NLRP5: variants seen among roughly 807,000 people sequenced by gnomAD.
NLRP5 encodes the protein NACHT, LRR and PYD domains-containing protein 5.
Under a neutral mutation model 113.1 loss-of-function variants are expected in NLRP5, and 93 were observed. The observed-to-expected ratio is 0.82, with a 90% confidence interval of 0.70 to 0.98. NLRP5 has a LOEUF of 0.98. NLRP5 is among the 50% of genes least tolerant of loss of function. NLRP5 has a pLI of 0.00. For synonymous variants in NLRP5, 751 were observed against 600.7 expected, an observed-to-expected ratio of 1.25 and a Z score of -3.66; for missense variants, 1,808 against 1,514.3, an observed-to-expected ratio of 1.19 and a Z score of -3.22.
chr19:56,053,293 G>A (rs1983998291), intron 12 of NLRP5, among the ~76,000 whole-genome samples: 1 of 152,006 alleles, frequency 6.6e-6, no homozygotes, highest in South Asian at 2.1e-4. Flanking sequence ...TATTCGGGAG[G>A]CTGAGGAAGG....
chr19:56,049,957 C>A (rs117598434), intron 11 of NLRP5, among the ~76,000 whole-genome samples: 1 of 152,024 alleles, frequency 6.6e-6, no homozygotes, highest in Non-Finnish European at 1.5e-5. Context: ...CTGCCTCCTT[C>A]TCATTTGGGT....
In NLRP5 at chr19:56,007,004, T is replaced by G. The variant is rs930039573; in HGVS notation, c.443-1784T>G. ...TCCACCCACCTTGGCCTCCCAAAGT[T>G]CTGGGATTACAGGTGTGAGCCACTG... is the stretch of plus-strand genomic sequence containing the variant. On this transcript the variant is annotated intron_variant, in intron 2 of 14. Coordinates refer to ENST00000390649, the MANE Select transcript of NLRP5 (RefSeq NM_153447.4). Among the ~76,000 whole-genome samples, 80 of 150,750 alleles carry G rather than the reference T, an allele frequency of 5.3e-4. 6 individuals are homozygous for G. Among genetic ancestry groups the G allele is most frequent in the African/African-American group, 1.5e-3 (62 of 40,452 alleles).
rs141095504 is a variant in NLRP5 at position 56,013,214 on chromosome 19, A to C, written c.509-2528A>C. Among the ~76,000 whole-genome samples the C allele has an allele frequency of 4.9e-3, 738 of 152,080 alleles. 8 individuals carry two copies. The highest frequency in any genetic ancestry group is 0.017 in the African/African-American group (710 of 41,498). ...TTTTGTTTTTTGTTTTTGTTTTGAG[A>C]TGGAGTCGTGCTCTGTTGCTGAGGC... On this transcript the variant is annotated intron_variant, in intron 3 of 14. Coordinates refer to ENST00000390649, the MANE Select transcript of NLRP5 (RefSeq NM_153447.4).
At chr19:56,016,210 G>A (rs150995218) in intron 4 of NLRP5, among the ~76,000 whole-genome samples, 15,980 of 152,048 alleles carry the variant, frequency 0.11, 1,071 homozygotes, top group African/African-American at 0.17. Flanking sequence ...CTGGAGTGCA[G>A]TGGTGTGATC....
intron 14 of NLRP5, 23 bp downstream of exon 14, chr19:56,058,433 C>T: frequency 6.3e-7 from 1 of 1,591,166 alleles, no homozygotes; most frequent in Non-Finnish European, 8.6e-7. Context: ...CAATTGTCTT[C>T]TGAGATACAG....
chr19:56,026,897 C>T lies in NLRP5; in HGVS notation c.680-16C>T. The T allele has an allele frequency of 1.3e-6, 2 of 1,544,536 alleles. No individual in the cohort carries two copies. The highest frequency in any genetic ancestry group is 1.8e-6 in the Non-Finnish European group (2 of 1,142,234). On this transcript the variant is annotated splice_polypyrimidine_tract_variant and intron_variant, in intron 6 of 14. Coordinates refer to ENST00000390649, the MANE Select transcript of NLRP5 (RefSeq NM_153447.4). ...GGTCTGTTTCCTGATTTTCATTCTA[C>T]CCTCTCTGACTCCAGGACATGGAGG...
At chr19:55,996,498 C>G (rs954170324), upstream of NLRP5, among the ~76,000 whole-genome samples, 1 of 152,014 alleles carries the variant, frequency 6.6e-6, no homozygotes, top group Non-Finnish European at 1.5e-5. Flanking sequence ...CTCCCTCCCC[C>G]ACAACAGTCC....
intron 7 of NLRP5, among the ~76,000 whole-genome samples, chr19:56,029,761 C>A (rs1211092950): frequency 6.6e-6 from 1 of 150,844 alleles, no homozygotes; most frequent in African/African-American, 2.4e-5. Context: ...AAAGTAAGAC[C>A]CTGTCTGTGG....
intron 7 of NLRP5, among the ~76,000 whole-genome samples, chr19:56,030,862 C>T (rs1285971913): frequency 1.3e-5 from 2 of 151,770 alleles, no homozygotes; most frequent in Admixed American, 1.3e-4. Flanking sequence ...TACAGTTGCC[C>T]ACCACCACAC....
chr19:56,017,809 A>G (rs186125602), intron 4 of NLRP5, among the ~76,000 whole-genome samples: 5 of 152,320 alleles, frequency 3.3e-5, no homozygotes, highest in Non-Finnish European at 5.9e-5. Flanking sequence ...CGTTTACACC[A>G]AAAGCTTAGT....
Position 56,027,979 on chromosome 19 carries a change from C to T in NLRP5, c.1746C>T (p.Phe582=). Reference sequence around the variant, plus strand: ...GCCACTGTGAGGAGTACTACACCTTCTTCCACCTCAGTCTCCAGGACTTCT... The same window carrying T: ...GCCACTGTGAGGAGTACTACACCTTTTTCCACCTCAGTCTCCAGGACTTCT... The change falls in exon 7 of 15, where the codon TTC becomes TTT. Residue 582 remains phenylalanine, a synonymous_variant. Transcript: ENST00000390649. 6.2e-7 allele frequency: 1 copy of T among 1,614,032 alleles called. No individual in the cohort carries two copies. The highest frequency in any genetic ancestry group is 8.5e-7 in the Non-Finnish European group (1 of 1,179,880).
chr19:56,057,332 TTATTA>T (rs1361559639), intron 13 of NLRP5, among the ~76,000 whole-genome samples: 2 of 152,100 alleles, frequency 1.3e-5, no homozygotes, highest in Non-Finnish European at 2.9e-5. Flanking sequence ...TAAAATGCCA[TTATTA>T]TATTCAATGA....
At chr19:56,047,759 T>C (rs1983781318) in intron 11 of NLRP5, among the ~76,000 whole-genome samples, 2 of 152,218 alleles carry the variant, frequency 1.3e-5, no homozygotes, top group Non-Finnish European at 2.9e-5. Context: ...CAAAGTATAG[T>C]TTAAATCCAT....
At chr19:55,988,650 A>G in the NLRP5 span, 3 of 151,020 alleles carry the variant, frequency 2.0e-5, no homozygotes, top group African/African-American at 7.3e-5. Context: ...TTCCTTACCC[A>G]CCCCTGAGGC....
chr19:56,025,282 T>C (rs1982794148), intron 6 of NLRP5, among the ~76,000 whole-genome samples: 1 of 152,162 alleles, frequency 6.6e-6, no homozygotes, highest in Non-Finnish European at 1.5e-5. Context: ...AAAAATTGTC[T>C]TCCACAAAAC....
intron 7 of NLRP5, among the ~76,000 whole-genome samples, chr19:56,029,195 C>T (rs1025442650): frequency 4.0e-5 from 6 of 151,418 alleles, no homozygotes; most frequent in Non-Finnish European, 8.9e-5. Flanking sequence ...CCTCATAAGC[C>T]TGTTGAGCAT....
chr19:56,050,534 T>G lies in NLRP5; in HGVS notation c.3074T>G (p.Val1025Gly). The change falls in exon 12 of 15, where the codon GTG (valine) becomes GGG (glycine). Residue 1025 changes from valine (V) to glycine (G), a missense_variant. Val to Gly is a moderately radical substitution (Grantham distance 109, BLOSUM62 -3). Transcript: ENST00000390649. ...ATGAACCCTGTGGAAGACAATGGCG[T>G]GAAGCTTCTGTGCGAGGTCATGAGA... The G allele has an allele frequency of 6.2e-7, 1 of 1,613,972 alleles. No individual in the cohort carries two copies. The highest frequency in any genetic ancestry group is 8.5e-7 in the Non-Finnish European group (1 of 1,179,892).
intron 6 of NLRP5, among the ~76,000 whole-genome samples, chr19:56,025,428 T>C (rs1982804315): frequency 7.1e-6 from 1 of 140,274 alleles, no homozygotes; most frequent in African/African-American, 2.6e-5. Flanking sequence ...TTTTTTGAGA[T>C]GGAGTCTCGC....
chr19:56,056,522 A>G (rs1290831297), intron 13 of NLRP5, among the ~76,000 whole-genome samples: 5 of 151,972 alleles, frequency 3.3e-5, no homozygotes, highest in Non-Finnish European at 4.4e-5. Context: ...GTGCCACTGC[A>G]CTCCAGCCTG....
Sources: allele counts gnomAD v4.1 joint callset (sites outside exome capture counted in the v4.1 genomes callset), GRCh38; gene constraint gnomAD v4.1.1; transcripts MANE v1.5; gene names NCBI Gene and HGNC (gene_info 2026-07-23, HGNC 2026-07-21).